FAM133A: variants seen among roughly 807,000 people sequenced by gnomAD.
FAM133A encodes the protein protein FAM133A.
For missense variants in FAM133A, 159 were observed against 164.4 expected, an observed-to-expected ratio of 0.97 and a Z score of 0.18; for synonymous variants, 65 against 58.6, an observed-to-expected ratio of 1.11 and a Z score of -0.50.
At chrX:93,703,463 A>C (rs1005361217) in intron 3 of FAM133A, among the ~76,000 whole-genome samples, 1 of 111,881 alleles carries the variant, frequency 8.9e-6, no homozygotes, top group Non-Finnish European at 1.9e-5. Flanking sequence ...TTCCATATCA[A>C]TGTAAGATAT....
intron 3 of FAM133A, among the ~76,000 whole-genome samples, chrX:93,708,249 C>CATGAA (rs1297784611): frequency 9.0e-6 from 1 of 111,023 alleles, no homozygotes; most frequent in Non-Finnish European, 1.9e-5. Context: ...GTTCCAGGAA[C>CATGAA]CAAATGAAAA....
At chrX:93,695,109 C>G (rs1477659596) in intron 2 of FAM133A, among the ~76,000 whole-genome samples, 1 of 111,664 alleles carries the variant, frequency 9.0e-6, no homozygotes, top group Non-Finnish European at 1.9e-5. Flanking sequence ...CAACATCCAT[C>G]TGTTTGCAGT....
chrX:93,684,618 ATG>A (rs1925389788), intron 2 of FAM133A, among the ~76,000 whole-genome samples: 2 of 112,150 alleles, frequency 1.8e-5, no homozygotes, highest in Admixed American at 1.9e-4. Flanking sequence ...TGTTCTGTGC[ATG>A]TGTGTTTGTT....
At chrX:93,706,688 G>A (rs1021474834) in intron 3 of FAM133A, among the ~76,000 whole-genome samples, 3 of 111,385 alleles carry the variant, frequency 2.7e-5, no homozygotes, top group South Asian at 3.7e-4. Context: ...CTAATGTGTC[G>A]AGCCAGAGCC....
Position 93,683,007 on chromosome X carries a change from C to T in FAM133A, c.-193+8255C>T, listed in dbSNP as rs147148930. ...ATTTAACAGTTGTCTCTTAATTGTG[C>T]CTGATTTACTAATGTGTAATTGTCA... On this transcript the variant is annotated intron_variant, in intron 2 of 3. Coordinates refer to ENST00000683942, the MANE Select transcript of FAM133A (RefSeq NM_001171109.2). Among the ~76,000 whole-genome samples, 615 of 111,560 alleles carry T rather than the reference C, an allele frequency of 5.5e-3. 3 individuals carry two copies. Among genetic ancestry groups the T allele is most frequent in the African/African-American group, 0.019 (593 of 30,728 alleles).
At chrX:93,702,863 A>AAAAAC (rs1926807516) in intron 3 of FAM133A, among the ~76,000 whole-genome samples, 5 of 88,812 alleles carry the variant, frequency 5.6e-5, no homozygotes, top group Non-Finnish European at 8.9e-5. Flanking sequence ...AAAAAAAAAA[A>AAAAAC]AAAAAAACAA....
intron 2 of FAM133A, 143 bp downstream of exon 2, chrX:93,674,895 A>G (rs1180252375): frequency 1.8e-5 from 2 of 111,738 alleles, no homozygotes; most frequent in African/African-American, 6.5e-5. Context: ...AAATCCACAG[A>G]GGTAATTTGG....
chrX:93,701,380 A>C (rs958658178), intron 3 of FAM133A, among the ~76,000 whole-genome samples: 1 of 112,107 alleles, frequency 8.9e-6, no homozygotes, highest in Non-Finnish European at 1.9e-5. Context: ...AACTTACAAG[A>C]CATTTGTTAA....
chrX:93,685,710 C>T (rs764708603), intron 2 of FAM133A, among the ~76,000 whole-genome samples: 1 of 112,032 alleles, frequency 8.9e-6, no homozygotes, highest in African/African-American at 3.2e-5. Flanking sequence ...CATCATTTCA[C>T]TGTTTAGACT....
chrX:93,679,958 T>TTTTC lies in FAM133A; in HGVS notation c.-193+5206_-193+5207insTTTC, dbSNP rs1569344510. 1.1e-4 allele frequency among the ~76,000 whole-genome samples: 8 copies of TTTTC among 72,859 alleles called. 1 individual carries two copies. The highest frequency in any genetic ancestry group is 5.4e-4 in the Admixed American group (3 of 5,570). The allele number at this position is 72,859 out of a possible 115,157, so 63.3% of individuals were successfully genotyped here. On this transcript the variant is annotated intron_variant, in intron 2 of 3. Transcript: ENST00000683942. ...TTTTTTTTTTTTTTTTTTTTTTTTTTAGTAGAGACAGGGTTTCACCATATT... is the reference window on the plus strand; with the variant it reads ...TTTTTTTTTTTTTTTTTTTTTTTTTTTTTCAGTAGAGACAGGGTTTCACCATATT...
chrX:93,697,255 T>A (rs1434038854), intron 2 of FAM133A, among the ~76,000 whole-genome samples: 1 of 106,980 alleles, frequency 9.3e-6, no homozygotes, highest in Non-Finnish European at 1.9e-5. Flanking sequence ...ATAAGACAGG[T>A]GGTCAGTGGG....
At chrX:93,702,976 C>A (rs150967498) in intron 3 of FAM133A, among the ~76,000 whole-genome samples, 1 of 109,779 alleles carries the variant, frequency 9.1e-6, no homozygotes, top group African/African-American at 3.3e-5. Flanking sequence ...TCACTTGAGT[C>A]CAGGAGTTCG....
Position 93,710,993 on chromosome X carries a change from AT to A in FAM133A, c.*835del, listed in dbSNP as rs1323508190. 2.4e-5 allele frequency: 3 copies of A among 122,516 alleles called. No homozygotes were observed. Among genetic ancestry groups the A allele is most frequent in the Non-Finnish European group, 3.8e-5 (2 of 53,013 alleles). 10.1% of individuals were successfully genotyped at this position (122,516 alleles called of 1,213,427 possible). A position where few individuals can be genotyped will look rare whatever the true frequency, so the allele number is the denominator to read the frequency against. On this transcript the variant is annotated 3_prime_UTR_variant, in exon 4 of 4. Transcript: ENST00000683942. ...TTGTTTGATTAAGAAATATTCTGAA[AT>A]TTTTTTTGCATGTTTTATACTGTTA... is the stretch of plus-strand genomic sequence containing the variant.
At chrX:93,700,751 A>G (rs1027115431) in intron 3 of FAM133A, among the ~76,000 whole-genome samples, 1 of 111,657 alleles carries the variant, frequency 9.0e-6, no homozygotes, top group Non-Finnish European at 1.9e-5. Context: ...TCTAAAACTC[A>G]TATAAGTGTA....
intron 2 of FAM133A, among the ~76,000 whole-genome samples, chrX:93,680,077 G>A (rs987240591): frequency 1.9e-5 from 2 of 107,087 alleles, no homozygotes; most frequent in South Asian, 8.3e-4. Context: ...GCACCAGGCC[G>A]TGTTGTTTCT....
intron 2 of FAM133A, among the ~76,000 whole-genome samples, chrX:93,682,359 CT>C (rs1377238169): frequency 2.7e-5 from 3 of 112,180 alleles, no homozygotes; most frequent in Non-Finnish European, 5.6e-5. Flanking sequence ...TCCTTCAGAG[CT>C]TATTTGCTTG....
intron 2 of FAM133A, among the ~76,000 whole-genome samples, chrX:93,689,086 G>T (rs185886248): frequency 9.3e-6 from 1 of 108,033 alleles, no homozygotes; most frequent in African/African-American, 3.4e-5. Flanking sequence ...AAGTCTCCGC[G>T]GCTGGAGTGC....
chrX:93,694,254 T>C (rs915530622), intron 2 of FAM133A, among the ~76,000 whole-genome samples: 1 of 111,399 alleles, frequency 9.0e-6, no homozygotes, highest in African/African-American at 3.3e-5. Flanking sequence ...TTGAAAATAT[T>C]CTCCAGTTAA....
intron 2 of FAM133A, among the ~76,000 whole-genome samples, chrX:93,692,948 A>C (rs1187532630): frequency 9.0e-6 from 1 of 111,686 alleles, no homozygotes; most frequent in Non-Finnish European, 1.9e-5. Flanking sequence ...AGAGGATCAG[A>C]AAAGTCAGGG....
Sources: gnomAD v4.1 joint callset for allele counts (sites outside exome capture counted in the v4.1 genomes callset) on GRCh38, gnomAD v4.1.1 for gene constraint, MANE v1.5 for transcripts, NCBI Gene and HGNC (gene_info 2026-07-23, HGNC 2026-07-21) for gene names.